Variants in TCOF1 observed in about 807,000 individuals in gnomAD.
TCOF1 encodes the protein treacle ribosome biogenesis factor 1, also known as treacle protein.
A neutral mutation model predicts 149.0 loss-of-function variants in TCOF1; 33 were observed. That is an observed-to-expected ratio of 0.22 (90% CI 0.17 to 0.30). The LOEUF (loss-of-function observed/expected upper bound fraction) is 0.30, where lower values mean the gene tolerates loss of function less well. TCOF1 is among the 10% of genes least tolerant of loss of function. TCOF1 has a pLI of 1.00. For synonymous variants in TCOF1, 789 were observed against 738.8 expected, an observed-to-expected ratio of 1.07 and a Z score of -1.10; for missense variants, 1,728 against 1,840.7, an observed-to-expected ratio of 0.94 and a Z score of 1.12.
intron 3 of TCOF1, chr5:150,367,619 G>A (rs776397641): frequency 5.3e-5 from 30 of 570,554 alleles, no homozygotes; most frequent in Non-Finnish European, 8.7e-5. Context: ...CATCAAGGAT[G>A]CAGACACATA....
In TCOF1 at chr5:150,387,604, C is replaced by T. The variant is rs544971412; in HGVS notation, c.2860-298C>T. Among the ~76,000 whole-genome samples the T allele has an allele frequency of 3.3e-5, 5 of 152,334 alleles. No individual in the cohort carries two copies. The South Asian group carries it at 1.0e-3, about 32-fold the overall frequency. ...CAGTAGGGACAGCAGCCTTGGGTCGCTCCCTTTCCCTCTGGGCTTGTGGTT... is the reference window on the plus strand; with the variant it reads ...CAGTAGGGACAGCAGCCTTGGGTCGTTCCCTTTCCCTCTGGGCTTGTGGTT... On this transcript the variant is annotated intron_variant, in intron 17 of 26. Transcript: ENST00000643257.
chr5:150,386,779 G>T (rs1268151566), intron 17 of TCOF1, among the ~76,000 whole-genome samples: 1 of 152,242 alleles, frequency 6.6e-6, no homozygotes, highest in South Asian at 2.1e-4. Context: ...AACCATGTGT[G>T]TTCTCGTTAG....
In TCOF1 at chr5:150,368,733, T is replaced by C. The variant is rs1761907344; in HGVS notation, c.396T>C (p.Ala132=). 6.2e-7 allele frequency: 1 copy of C among 1,613,928 alleles called. No individual in the cohort carries two copies. Reference sequence around the variant, plus strand: ...CTCTGTAGGCAGAGACAGAGAAAGCTGGCAAGACTGGGAATTCCATGCCAC... The same window carrying C: ...CTCTGTAGGCAGAGACAGAGAAAGCCGGCAAGACTGGGAATTCCATGCCAC... ...KEKAKAETEK[A]GKTGNSMPHP... The change falls in exon 5 of 27, where the codon GCT becomes GCC. Residue 132 remains alanine, a synonymous_variant. Transcript: ENST00000643257.
intron 17 of TCOF1, chr5:150,380,113 G>T (rs1286877649): frequency 1.9e-5 from 5 of 259,686 alleles, no homozygotes; most frequent in African/African-American, 1.1e-4. Flanking sequence ...AAAAACCAGG[G>T]TTTAGGGCCA....
intron 24 of TCOF1, 47 bp from the exon 25 acceptor site, chr5:150,398,307 T>G: frequency 6.2e-7 from 1 of 1,611,218 alleles, no homozygotes; most frequent in South Asian, 1.1e-5. Flanking sequence ...ACCCCAGCAC[T>G]TAGGATTACC....
At chr5:150,389,095 A>G (rs1368496521) in intron 18 of TCOF1, among the ~76,000 whole-genome samples, 1 of 152,218 alleles carries the variant, frequency 6.6e-6, no homozygotes, top group Non-Finnish European at 1.5e-5. Context: ...ACCTACCTAC[A>G]TACATATGTA....
Position 150,364,214 on chromosome 5 carries a change from A to G in TCOF1, c.266A>G (p.Glu89Gly). 6.2e-7 allele frequency: 1 copy of G among 1,614,174 alleles called. No individual in the cohort carries two copies. The highest frequency in any genetic ancestry group is 8.5e-7 in the Non-Finnish European group (1 of 1,180,026). Residue 89 changes from glutamate to glycine, a missense_variant, in exon 3 of 27, where the codon GAA becomes GGA. By Grantham distance (98) the Glu-to-Gly change is moderately conservative (BLOSUM62 -2). Transcript: ENST00000643257. ...CCCATCAGCACCTCGGAGAGCTCGG[A>G]AGAGGAGGAAGAAGCAGAAGCCGAA... is the stretch of plus-strand genomic sequence containing the variant. ...SDPISTSESS[E>G]EEEEAEAETA...
chr5:150,395,689 C>T (rs1768337942), intron 23 of TCOF1, among the ~76,000 whole-genome samples: 1 of 152,178 alleles, frequency 6.6e-6, no homozygotes. Context: ...GCACCCAGAG[C>T]TCCCCACCTT....
intron 17 of TCOF1, chr5:150,384,793 C>A (rs1189289549): frequency 3.0e-6 from 3 of 985,312 alleles, no homozygotes; most frequent in Non-Finnish European, 3.6e-6. Flanking sequence ...ATTTTTAGTT[C>A]CTAATCCCCA....
At chr5:150,365,210 G>T (rs1761058092) in intron 3 of TCOF1, among the ~76,000 whole-genome samples, 1 of 150,526 alleles carries the variant, frequency 6.6e-6, no homozygotes, top group South Asian at 2.1e-4. Context: ...CTACAGGCAT[G>T]CACCACTACT....
At chr5:150,375,992 G>A (rs1406354271) in intron 12 of TCOF1, 83 bp downstream of exon 12, 1 of 1,613,748 alleles carries the variant, frequency 6.2e-7, no homozygotes, top group African/African-American at 1.3e-5. Flanking sequence ...GCTCCCTCAG[G>A]CAGAGCATGG....
At chr5:150,370,396 C>T (rs928117672) in intron 6 of TCOF1, among the ~76,000 whole-genome samples, 1 of 152,196 alleles carries the variant, frequency 6.6e-6, no homozygotes, top group Admixed American at 6.5e-5. Context: ...CACTGTGTCA[C>T]CCAAGCTGGA....
Position 150,392,944 on chromosome 5 carries a change from C to T in TCOF1, c.3603+154C>T, listed in dbSNP as rs1220120828. 4.4e-6 allele frequency: 4 copies of T among 911,292 alleles called. No individual in the cohort carries two copies. The East Asian group carries it at 8.0e-5, about 18-fold the overall frequency. 56.5% of individuals were successfully genotyped at this position (911,292 alleles called of 1,614,324 possible). On this transcript the variant is annotated intron_variant, in intron 22 of 26. Transcript: ENST00000643257. ...CCTGTCTGCAAGGCACCACGTGTGG[C>T]CCAGCCAGCAGACCACAGCCAGGCT...
chr5:150,360,184 C>T (rs1017715746), intron 1 of TCOF1, among the ~76,000 whole-genome samples: 4 of 152,180 alleles, frequency 2.6e-5, no homozygotes, highest in Non-Finnish European at 1.5e-5. Context: ...CTGTTGTCCC[C>T]ATGTTAAGAA....
At chr5:150,369,405 G>A in intron 5 of TCOF1, 124 bp from the exon 6 acceptor site, 1 of 1,070,726 alleles carries the variant, frequency 9.3e-7, no homozygotes, top group South Asian at 1.3e-5. Context: ...TGCATGTGAG[G>A]CACACGAGGG....
At chr5:150,369,457 G>A (rs1762056677) in intron 5 of TCOF1, 72 bp from the exon 6 acceptor site, 1 of 1,566,080 alleles carries the variant, frequency 6.4e-7, no homozygotes. Flanking sequence ...GCTGGTTTGT[G>A]GGGAGGTGCT....
At chr5:150,388,186 G>T in intron 18 of TCOF1, 98 bp downstream of exon 18, 1 of 1,534,362 alleles carries the variant, frequency 6.5e-7, no homozygotes, top group Non-Finnish European at 8.9e-7. Flanking sequence ...ACATAGCAAG[G>T]TGTTGGTCGG....
At chr5:150,360,312 C>T (rs555303785) in intron 1 of TCOF1, among the ~76,000 whole-genome samples, 2 of 152,290 alleles carry the variant, frequency 1.3e-5, no homozygotes, top group South Asian at 4.1e-4. Context: ...GACATTGGGC[C>T]CTCTGGCCTC....
At position 150,375,797 on chromosome 5, in the gene TCOF1, C is replaced by T. The variant is rs1297719179; in HGVS notation, c.1781C>T (p.Pro594Leu). 1 of 1,614,262 alleles carries T rather than the reference C, an allele frequency of 6.2e-7. No homozygotes were observed. The highest frequency in any genetic ancestry group is 1.1e-5 in the South Asian group (1 of 91,088). Residue 594 changes from proline (P) to leucine (L), a missense_variant, in exon 12 of 27, where the codon CCT (proline) becomes CTT (leucine). Physicochemically the swap from Pro to Leu is moderately conservative, Grantham distance 98 (BLOSUM62 -3). Coordinates refer to ENST00000643257, the MANE Select transcript of TCOF1 (RefSeq NM_001371623.1). ...AAGGGGCCCCCTCAGAAGGCAGGGC[C>T]TGTAGCCGTCCAGGTCAAGGCTGAA... ...PAKGPPQKAGPVAVQVKAEKP... is the reference protein window; with the variant it reads ...PAKGPPQKAGLVAVQVKAEKP...
Sources: allele counts gnomAD v4.1 joint callset (sites outside exome capture counted in the v4.1 genomes callset), GRCh38; gene constraint gnomAD v4.1.1; transcripts MANE v1.5; gene names NCBI Gene and HGNC (gene_info 2026-07-23, HGNC 2026-07-21).